The following INTS1 variants were observed in gnomAD, a reference collection of about 807,000 sequenced individuals.
The protein encoded by INTS1 is integrator complex subunit 1.
Under a neutral mutation model 241.6 loss-of-function variants are expected in INTS1, and 137 were observed. That is an observed-to-expected ratio of 0.57 (90% CI 0.49 to 0.65). The LOEUF (loss-of-function observed/expected upper bound fraction) is 0.65. Among genes scored for constraint, INTS1 ranks in the 30% least tolerant of loss-of-function variants. The pLI is 0.00. For missense variants in INTS1, 3,073 were observed against 3,032.2 expected, an observed-to-expected ratio of 1.01 and a Z score of -0.32; for synonymous variants, 1,692 against 1,337.8, an observed-to-expected ratio of 1.26 and a Z score of -5.78.
At chr7:1,495,585 C>G in intron 12 of INTS1, 32 bp from the exon 13 acceptor site, 1 of 1,592,684 alleles carries the variant, frequency 6.3e-7, no homozygotes, top group Non-Finnish European at 8.5e-7. Flanking sequence ...GTGGCCCATC[C>G]GAGCCATGGG....
At position 1,476,797 on chromosome 7, in the gene INTS1, T is replaced by C. The variant is rs913221095; in HGVS notation, c.5060A>G (p.Gln1687Arg). 5 of 1,612,872 alleles carry C rather than the reference T, an allele frequency of 3.1e-6. No homozygotes were observed. Among genetic ancestry groups the C allele is most frequent in the Non-Finnish European group, 4.2e-6 (5 of 1,179,862 alleles). Residue 1687 changes from glutamine to arginine, a missense_variant, in exon 36 of 48, where the codon CAG (glutamine) becomes CGG (arginine). By Grantham distance (43) the Gln-to-Arg change is conservative. Transcript: ENST00000404767. ...TTGGGGACAGGGAGGCGCCCACCTCTGTTCCCGGCTCTTGCCCAGCAGGAC... is the reference window on the plus strand; with the variant it reads ...TTGGGGACAGGGAGGCGCCCACCTCCGTTCCCGGCTCTTGCCCAGCAGGAC... ...IRVLLGKSRE[Q>R]RFDPSASLDF...
At position 1,497,637 on chromosome 7, in the gene INTS1, C is replaced by A. The variant is rs1353302287; in HGVS notation, c.1426-323G>T. Among the ~76,000 whole-genome samples the A allele has an allele frequency of 1.3e-5, 2 of 152,234 alleles. No individual in the cohort carries two copies. The highest frequency in any genetic ancestry group is 2.4e-5 in the African/African-American group (1 of 41,474). On this transcript the variant is annotated intron_variant, in intron 10 of 47. Coordinates refer to ENST00000404767, the MANE Select transcript of INTS1 (RefSeq NM_001080453.3). This position sits in a 1 kb window ranked among gnomAD's most constrained non-coding sequence, Gnocchi z 5.3. The stretch of plus-strand genomic sequence containing the variant: ...CGTGTGCCATCTCAGCCCACCCGTG[C>A]GCCACGGGCTGAACGGAAACCAAAG...
Position 1,484,015 on chromosome 7 carries a change from C to G in INTS1, c.3417G>C (p.Glu1139Asp), listed in dbSNP as rs1178926759. 4 of 1,608,734 alleles carry G rather than the reference C, an allele frequency of 2.5e-6. No homozygotes were observed. Among genetic ancestry groups the G allele is most frequent in the Non-Finnish European group, 1.7e-6 (2 of 1,177,718 alleles). The change falls in exon 25 of 48, where the codon GAG (glutamate) becomes GAC (aspartate). Residue 1139 changes from glutamate (E) to aspartate (D), a missense_variant. Transcript: ENST00000404767. ...RRMRQSKEGE[E>D]VYSWSESQDQ... Reference sequence around the variant, plus strand: ...TCCTCGCCCTCACCCAGCTGTAGACCTCCTCGCCCTCCTTGCTCTGCCGCA... The same window carrying G: ...TCCTCGCCCTCACCCAGCTGTAGACGTCCTCGCCCTCCTTGCTCTGCCGCA...
rs373838912 is a variant in INTS1, at chr7:1,485,373, C to T, written c.3073G>A (p.Gly1025Ser). The change falls in exon 23 of 48, where the codon GGC becomes AGC. Residue 1025 changes from glycine to serine, a missense_variant. Physicochemically the swap from Gly to Ser is moderately conservative, Grantham distance 56. Coordinates refer to ENST00000404767, the MANE Select transcript of INTS1 (RefSeq NM_001080453.3). ...EDVGDTDVLQGYQWLLRDLPR... is the reference protein window; with the variant it reads ...EDVGDTDVLQSYQWLLRDLPR... ...AGGTCCCGCAGCAGCCACTGATAGC[C>T]CTGCAGCACATCTGTGTCCCCCACA... The T allele has an allele frequency of 3.1e-4, 503 of 1,612,634 alleles. No homozygotes were observed. The highest frequency in any genetic ancestry group is 4.0e-4 in the Non-Finnish European group (470 of 1,179,822).
intron 16 of INTS1, among the ~76,000 whole-genome samples, chr7:1,492,423 C>T (rs992274743): frequency 3.3e-5 from 5 of 152,094 alleles, no homozygotes; most frequent in African/African-American, 7.2e-5. Context: ...TGAGCAGCTG[C>T]GTGGGCTGCG....
chr7:1,472,478 C>T, intron 43 of INTS1, 92 bp from the exon 44 acceptor site: 1 of 891,264 alleles, frequency 1.1e-6, no homozygotes, highest in South Asian at 1.7e-5. Flanking sequence ...AGCACGGCGG[C>T]CACTGCCCAG....
chr7:1,480,538 G>T, intron 29 of INTS1, 97 bp from the exon 30 acceptor site: 1 of 1,375,960 alleles, frequency 7.3e-7, no homozygotes, highest in Non-Finnish European at 9.8e-7. Context: ...CCCGGGGACT[G>T]TCACCCAGGA....
chr7:1,502,651 A>G (rs1783246366), intron 3 of INTS1, among the ~76,000 whole-genome samples: 2 of 152,152 alleles, frequency 1.3e-5, no homozygotes, highest in Admixed American at 1.3e-4. Context: ...CAGACACATG[A>G]GACAAACAAC....
Position 1,470,699 on chromosome 7 carries a change from G to C in INTS1, c.6458-7C>G. The stretch of plus-strand genomic sequence containing the variant: ...AGCAGCACAGCCGCGTGCTCTGTGG[G>C]GGAAACGGGGCCCTGCACGTCACGC... On this transcript the variant is annotated splice_polypyrimidine_tract_variant and splice_region_variant and intron_variant, in intron 47 of 47. Coordinates refer to ENST00000404767, the MANE Select transcript of INTS1 (RefSeq NM_001080453.3). 1 of 1,534,138 alleles carries C rather than the reference G, an allele frequency of 6.5e-7. No individual in the cohort carries two copies. The highest frequency in any genetic ancestry group is 8.8e-7 in the Non-Finnish European group (1 of 1,137,784).
intron 43 of INTS1, 25 bp from the exon 44 acceptor site, chr7:1,472,411 G>A (rs753997547): frequency 1.9e-5 from 28 of 1,481,932 alleles, no homozygotes; most frequent in Admixed American, 4.1e-5. Flanking sequence ...CAGTGCTGCA[G>A]GAGGGCGGGA....
chr7:1,495,492 C>G lies in INTS1; in HGVS notation c.1773G>C (p.Trp591Cys). The G allele has an allele frequency of 3.1e-6, 5 of 1,612,762 alleles. No individual in the cohort carries two copies. The highest frequency in any genetic ancestry group is 4.2e-6 in the Non-Finnish European group (5 of 1,179,714). The change falls in exon 13 of 48, where the codon TGG (tryptophan) becomes TGC (cysteine). Residue 591 changes from tryptophan to cysteine, a missense_variant. Transcript: ENST00000404767. ...TGGAGGGGACCACAGTGTGGAGCCA[C>G]CAGACGGCATCCCGCTGGATGGCGG... ...QIAAIQRDAV[W>C]WLHTVVPSIS...
In INTS1 at chr7:1,498,488, A is replaced by C. The variant is rs376668138; in HGVS notation, c.1349T>G (p.Leu450Arg). 19 of 1,613,700 alleles carry C rather than the reference A, an allele frequency of 1.2e-5. No homozygotes were observed. The African/African-American group carries it at 2.5e-4, about 22-fold the overall frequency. Residue 450 changes from leucine to arginine, a missense_variant, in exon 10 of 48, where the codon CTC becomes CGC. By Grantham distance (102) the Leu-to-Arg change is moderately radical. Transcript: ENST00000404767. ...GTTGTTCGGGTTCCGGGCGCTGGAG[A>C]GCTCATTGAAGATCACCAACTTGAT... ...TTIKLVIFNE[L>R]SSARNPNNMQ...
chr7:1,479,096 C>T (rs2128535013), intron 31 of INTS1, among the ~76,000 whole-genome samples: 1 of 152,354 alleles, frequency 6.6e-6, no homozygotes, highest in Middle Eastern at 3.4e-3. Flanking sequence ...AACCCCCCAG[C>T]TGGTGAGGGC....
At position 1,495,466 on chromosome 7, in the gene INTS1, A is replaced by C; in HGVS notation, c.1799T>G (p.Ile600Ser). 1 of 1,612,548 alleles carries C rather than the reference A, an allele frequency of 6.2e-7. No individual in the cohort carries two copies. The highest frequency in any genetic ancestry group is 8.5e-7 in the Non-Finnish European group (1 of 1,179,670). The change falls in exon 13 of 48, where the codon ATC becomes AGC. Residue 600 changes from isoleucine to serine, a missense_variant. By Grantham distance (142) the Ile-to-Ser change is moderately radical. Coordinates refer to ENST00000404767, the MANE Select transcript of INTS1 (RefSeq NM_001080453.3). ...VWWLHTVVPS[I>S]SKLAPKDYVH... ...GTAGTCCTTAGGGGCGAGCTTGCTGATGGAGGGGACCACAGTGTGGAGCCA... is the reference window on the plus strand; with the variant it reads ...GTAGTCCTTAGGGGCGAGCTTGCTGCTGGAGGGGACCACAGTGTGGAGCCA...
In INTS1 at chr7:1,498,396, G is replaced by A. The variant is rs371595597; in HGVS notation, c.1425+16C>T. On this transcript the variant is annotated intron_variant, in intron 10 of 47. Coordinates refer to ENST00000404767, the MANE Select transcript of INTS1 (RefSeq NM_001080453.3). The stretch of plus-strand genomic sequence containing the variant: ...TATTCCGGCGTGGAGGGCAAGGCCA[G>A]GGACCCTGGGCCTACCTTGGGCGCC... 454 of 1,613,050 alleles carry A rather than the reference G, an allele frequency of 2.8e-4. No individual in the cohort carries two copies. The highest frequency in any genetic ancestry group is 3.7e-4 in the Non-Finnish European group (434 of 1,179,732).
At chr7:1,479,734 G>T in intron 30 of INTS1, 50 bp from the exon 31 acceptor site, 1 of 1,433,332 alleles carries the variant, frequency 7.0e-7, no homozygotes, top group Non-Finnish European at 9.1e-7. Context: ...GAAGGAGGAG[G>T]AGCGCAGCGG....
chr7:1,483,277 G>C (rs1029104425), intron 26 of INTS1: 1 of 249,524 alleles, frequency 4.0e-6, no homozygotes, highest in South Asian at 5.2e-5. Flanking sequence ...CGGCCGCAGA[G>C]GGCACGGCTG....
chr7:1,472,504 G>A (rs1027174924), intron 43 of INTS1, 118 bp from the exon 44 acceptor site: 6 of 657,914 alleles, frequency 9.1e-6, no homozygotes, highest in Non-Finnish European at 1.5e-5. Flanking sequence ...CAAGGTGCCT[G>A]CACACAGCAG....
At chr7:1,473,487 C>T in intron 42 of INTS1, 79 bp downstream of exon 42, 1 of 1,497,952 alleles carries the variant, frequency 6.7e-7, no homozygotes, top group East Asian at 2.5e-5. Flanking sequence ...CACGACACGG[C>T]CTTCCCAGGA....
Sources: allele counts gnomAD v4.1 joint callset (sites outside exome capture counted in the v4.1 genomes callset), GRCh38; gene constraint gnomAD v4.1.1; non-coding constraint Gnocchi (gnomAD v3.1); transcripts MANE v1.5; gene names NCBI Gene and HGNC (gene_info 2026-07-23, HGNC 2026-07-21).